ALPK2: variants seen among roughly 807,000 people sequenced by gnomAD.
The protein encoded by ALPK2 is alpha kinase 2.
In ALPK2, 127 loss-of-function variants were observed where a neutral mutation model predicts 163.1. That is an observed-to-expected ratio of 0.78 (90% CI 0.67 to 0.90). ALPK2 has a LOEUF of 0.90. ALPK2 is among the 40% of genes least tolerant of loss of function. The pLI is 0.00. For missense variants in ALPK2, 2,360 were observed against 2,589.6 expected (o/e 0.91, Z 1.92); for synonymous variants, 953 against 959.1 (o/e 0.99, Z 0.12).
In ALPK2 at chr18:58,601,713, C is replaced by T. The variant is rs149370823; in HGVS notation, c.227+5609G>A. On this transcript the variant is annotated intron_variant, in intron 3 of 12. Coordinates refer to ENST00000361673, the MANE Select transcript of ALPK2 (RefSeq NM_052947.4). ...TGTCAGGGAAACCACACTGGACCTT[C>T]CAGCCCAGCCAATCCGTAAATGGAC... is the stretch of plus-strand genomic sequence containing the variant. Among the ~76,000 whole-genome samples, 1,089 of 152,278 alleles carry T rather than the reference C, an allele frequency of 7.2e-3. 1 individual carries two copies. The highest frequency in any genetic ancestry group is 9.5e-3 in the Non-Finnish European group (643 of 68,026).
intron 4 of ALPK2, among the ~76,000 whole-genome samples, chr18:58,571,419 A>G (rs72956633): frequency 0.21 from 30,578 of 147,152 alleles, 3,427 homozygotes; most frequent in East Asian, 0.41. Context: ...AAAATTGAAC[A>G]TCCACAGGAA....
chr18:58,505,829 C>G (rs1235702941), intron 10 of ALPK2, among the ~76,000 whole-genome samples: 1 of 152,172 alleles, frequency 6.6e-6, no homozygotes, highest in Non-Finnish European at 1.5e-5. Flanking sequence ...CTTCTCGGCC[C>G]CCACCCCCTT....
chr18:58,506,711 T>G (rs1436303389), intron 10 of ALPK2, among the ~76,000 whole-genome samples: 1 of 152,154 alleles, frequency 6.6e-6, no homozygotes, highest in African/African-American at 2.4e-5. Flanking sequence ...AAAATATGAA[T>G]GAATGAATGA....
At chr18:58,510,496 A>G (rs2051484829) in intron 10 of ALPK2, among the ~76,000 whole-genome samples, 1 of 152,182 alleles carries the variant, frequency 6.6e-6, no homozygotes, top group Non-Finnish European at 1.5e-5. Context: ...TTTTCATGAT[A>G]TTGATTCTTC....
intron 11 of ALPK2, among the ~76,000 whole-genome samples, chr18:58,503,718 T>C (rs1383955963): frequency 6.6e-6 from 1 of 152,022 alleles, no homozygotes; most frequent in Non-Finnish European, 1.5e-5. Context: ...TTTTTTTAAA[T>C]AAAAATAAAA....
At chr18:58,513,447 C>T (rs1336900836) in intron 10 of ALPK2, among the ~76,000 whole-genome samples, 1 of 152,176 alleles carries the variant, frequency 6.6e-6, no homozygotes, top group Non-Finnish European at 1.5e-5. Context: ...AATGTCCTAA[C>T]CTATCTTTAA....
At chr18:58,513,795 CG>C (rs1184213028) in intron 10 of ALPK2, among the ~76,000 whole-genome samples, 7 of 152,006 alleles carry the variant, frequency 4.6e-5, no homozygotes, top group Non-Finnish European at 8.8e-5. Flanking sequence ...CACTTGAGCC[CG>C]GGAGGTCAAG....
chr18:58,508,855 C>T (rs1254242266), intron 10 of ALPK2, among the ~76,000 whole-genome samples: 2 of 151,956 alleles, frequency 1.3e-5, no homozygotes, highest in East Asian at 3.9e-4. Flanking sequence ...GGACCCCTTT[C>T]CGGTAACAGC....
intron 4 of ALPK2, among the ~76,000 whole-genome samples, chr18:58,570,187 C>T (rs2051878963): frequency 6.6e-6 from 1 of 151,682 alleles, no homozygotes; most frequent in South Asian, 2.1e-4. Context: ...CGGCTAAGAT[C>T]TGGCTTATCA....
chr18:58,578,733 G>GACACACACACAC (rs71173065), intron 4 of ALPK2, 81 bp downstream of exon 4: 50,837 of 526,538 alleles, frequency 0.097, 2,208 homozygotes, highest in Admixed American at 0.19. Context: ...TAAAGGAAGA[G>GACACACACACAC]ACACACACAC....
At chr18:58,548,329 T>TG (rs973158703) in intron 4 of ALPK2, among the ~76,000 whole-genome samples, 2 of 150,268 alleles carry the variant, frequency 1.3e-5, no homozygotes, top group Non-Finnish European at 3.0e-5. Context: ...TGTGTTTTGT[T>TG]TTTTTTTTTT....
chr18:58,578,907 G>A lies in ALPK2; in HGVS notation c.1869C>T (p.Ser623=), dbSNP rs577915999. 8.6e-4 allele frequency: 1,394 copies of A among 1,614,138 alleles called. 21 individuals are homozygous for A. In the South Asian group the frequency reaches 0.014, roughly 16 times the overall value. ...CCTTGCAATTTGTGTTGCCTTCTTT[G>A]GAGACTGAGTCTGTTGAAGTTTGAA... ...KTLQTSTDSV[S]KEGNTNCKGE... is the part of the protein sequence containing the mutation. Residue 623 remains serine (S), a synonymous_variant, in exon 4 of 13, where the codon TCC becomes TCT. Transcript: ENST00000361673.
rs2051639804 is a variant in ALPK2 at position 58,535,523 on chromosome 18, A to G, written c.4664T>C (p.Val1555Ala). The G allele has an allele frequency of 6.2e-7, 1 of 1,614,164 alleles. No homozygotes were observed. The highest frequency in any genetic ancestry group is 8.5e-7 in the Non-Finnish European group (1 of 1,180,004). Residue 1555 changes from valine (V) to alanine (A), a missense_variant, in exon 5 of 13, where the codon GTT (valine) becomes GCT (alanine). By Grantham distance (64) the Val-to-Ala change is moderately conservative. Transcript: ENST00000361673. ...LPIMTHASLGVDTHNSTGQIH... is the reference protein window; with the variant it reads ...LPIMTHASLGADTHNSTGQIH... Reference sequence around the variant, plus strand: ...TTGGCCTGTGGAGTTGTGCGTGTCAACCCCAAGAGAAGCGTGAGTCATTAT... The same window carrying G: ...TTGGCCTGTGGAGTTGTGCGTGTCAGCCCCAAGAGAAGCGTGAGTCATTAT...
At chr18:58,515,183 A>G (rs939014017) in intron 9 of ALPK2, 102 bp from the exon 10 acceptor site, 3 of 853,178 alleles carry the variant, frequency 3.5e-6, no homozygotes, top group African/African-American at 1.7e-5. Flanking sequence ...GGTAAAGCCA[A>G]TGAACTGACA....
At chr18:58,531,935 C>CAAAAAAAAAA (rs35957271) in intron 5 of ALPK2, among the ~76,000 whole-genome samples, 3 of 49,616 alleles carry the variant, frequency 6.0e-5, no homozygotes, top group African/African-American at 1.7e-4. Context: ...GGCTCCGTCT[C>CAAAAAAAAAA]AAAAAAAAAA....
intron 3 of ALPK2, chr18:58,600,783 C>T (rs774468076): frequency 3.3e-5 from 5 of 152,226 alleles, no homozygotes; most frequent in Non-Finnish European, 5.9e-5. Context: ...TGGGTGAGCA[C>T]TCTCTGGTTC....
chr18:58,502,104 C>T (rs2051434069), intron 11 of ALPK2, among the ~76,000 whole-genome samples: 1 of 148,436 alleles, frequency 6.7e-6, no homozygotes, highest in South Asian at 2.2e-4. Flanking sequence ...AGTTCAAGAC[C>T]AGCCTGAGCA....
At chr18:58,506,225 G>A (rs1258481087) in intron 10 of ALPK2, among the ~76,000 whole-genome samples, 1 of 152,016 alleles carries the variant, frequency 6.6e-6, no homozygotes, top group Non-Finnish European at 1.5e-5. Context: ...AAGAGGGGAG[G>A]GAGGGAGGAG....
intron 1 of ALPK2, among the ~76,000 whole-genome samples, chr18:58,617,530 G>A (rs2052176319): frequency 6.6e-6 from 1 of 152,036 alleles, no homozygotes; most frequent in Non-Finnish European, 1.5e-5. Flanking sequence ...TAATTATACT[G>A]ATCCTAAGTG....
Sources: allele counts gnomAD v4.1 joint callset (sites outside exome capture counted in the v4.1 genomes callset), GRCh38; gene constraint gnomAD v4.1.1; transcripts MANE v1.5; gene names NCBI Gene and HGNC (gene_info 2026-07-23, HGNC 2026-07-21).